Variants in DLG2 observed in about 807,000 individuals in gnomAD.
The protein encoded by DLG2 is discs large MAGUK scaffold protein 2.
In DLG2, 45 loss-of-function variants were observed where a neutral mutation model predicts 132.5. The observed-to-expected ratio is 0.34, with a 90% CI of 0.27 to 0.44. The LOEUF (loss-of-function observed/expected upper bound fraction) is 0.44. DLG2 is among the 20% of genes least tolerant of loss of function. The pLI, the probability that DLG2 is intolerant of heterozygous loss-of-function variation, is 1.00. For missense variants in DLG2, 1,045 were observed against 1,196.9 expected, an observed-to-expected ratio of 0.87 and a Z score of 1.87; for synonymous variants, 424 against 419.6, an observed-to-expected ratio of 1.01 and a Z score of -0.13.
intron 19 of DLG2, among the ~76,000 whole-genome samples, chr11:83,584,060 A>G (rs1232139480): frequency 2.6e-5 from 4 of 152,214 alleles, no homozygotes; most frequent in Admixed American, 6.5e-5. Flanking sequence ...ATTTTGTGGA[A>G]CACTTGTAAA....
intron 3 of DLG2, among the ~76,000 whole-genome samples, chr11:85,380,895 C>G (rs1202892697): frequency 6.6e-6 from 1 of 152,156 alleles, no homozygotes; most frequent in Non-Finnish European, 1.5e-5. Flanking sequence ...TCCCCTGAAG[C>G]AGCAACCACA....
intron 4 of DLG2, among the ~76,000 whole-genome samples, chr11:85,208,939 A>G (rs748508718): frequency 6.6e-6 from 1 of 152,088 alleles, no homozygotes; most frequent in Non-Finnish European, 1.5e-5. Context: ...GTAAGAAAAC[A>G]AGTTCAACCG....
chr11:84,696,294 G>T (rs1175491507), intron 6 of DLG2, among the ~76,000 whole-genome samples: 2 of 151,502 alleles, frequency 1.3e-5, no homozygotes, highest in East Asian at 3.9e-4. Flanking sequence ...TATGTATGTC[G>T]TCTAATTTAA....
chr11:84,217,295 T>C (rs142345775), intron 8 of DLG2, among the ~76,000 whole-genome samples: 337 of 152,296 alleles, frequency 2.2e-3, no homozygotes, highest in Non-Finnish European at 4.3e-3. Flanking sequence ...TTGGAGTGAC[T>C]TGGCGGGAAG....
intron 6 of DLG2, among the ~76,000 whole-genome samples, chr11:84,657,206 C>G (rs918661143): frequency 6.6e-6 from 1 of 152,010 alleles, no homozygotes; most frequent in Non-Finnish European, 1.5e-5. Context: ...AAAAATAAAC[C>G]TATTTTAATC....
intron 17 of DLG2, among the ~76,000 whole-genome samples, chr11:83,830,827 C>G (rs1485806103): frequency 1.3e-5 from 2 of 152,208 alleles, no homozygotes; most frequent in African/African-American, 2.4e-5. Context: ...TATCCTGCCA[C>G]TTAGAATGCC....
At chr11:83,975,157 G>C (rs2092009998) in intron 12 of DLG2, among the ~76,000 whole-genome samples, 1 of 151,986 alleles carries the variant, frequency 6.6e-6, no homozygotes, top group South Asian at 2.1e-4. Context: ...AATATATTGG[G>C]CTATATGTAT....
chr11:85,322,979 C>T (rs1052066886), intron 3 of DLG2, among the ~76,000 whole-genome samples: 3 of 152,086 alleles, frequency 2.0e-5, no homozygotes, highest in African/African-American at 7.2e-5. Context: ...ACACACAACC[C>T]CCATTGATTT....
At chr11:84,802,743 G>A (rs1267253306) in intron 6 of DLG2, among the ~76,000 whole-genome samples, 1 of 151,890 alleles carries the variant, frequency 6.6e-6, no homozygotes, top group Non-Finnish European at 1.5e-5. Context: ...TGTGTTAGGG[G>A]GGATGAAAGT....
intron 15 of DLG2, among the ~76,000 whole-genome samples, chr11:83,901,027 T>C (rs969922254): frequency 2.0e-5 from 3 of 152,228 alleles, no homozygotes; most frequent in Admixed American, 6.5e-5. Flanking sequence ...GAGATCATTT[T>C]GGAGCTCTAC....
chr11:83,908,737 A>C (rs2075498877), intron 15 of DLG2, among the ~76,000 whole-genome samples: 1 of 146,970 alleles, frequency 6.8e-6, no homozygotes, highest in Admixed American at 6.7e-5. Flanking sequence ...CTCAATATGC[A>C]GCATTTTTTT....
At chr11:84,430,247 C>T (rs2098980066) in intron 7 of DLG2, among the ~76,000 whole-genome samples, 1 of 151,914 alleles carries the variant, frequency 6.6e-6, no homozygotes, top group African/African-American at 2.4e-5. Flanking sequence ...ACCATCCTGG[C>T]CAACATGGTG....
chr11:84,266,613 G>A (rs1372241428), intron 7 of DLG2, among the ~76,000 whole-genome samples: 4 of 152,154 alleles, frequency 2.6e-5, no homozygotes, highest in Non-Finnish European at 4.4e-5. Flanking sequence ...TTAGAATCCA[G>A]AAAGGACAAA....
rs141877580 is a variant in DLG2 at position 85,238,205 on chromosome 11, TTTTATTTATTTATTTATTTATTTA to T, written c.186+46991_186+47014del. On this transcript the variant is annotated intron_variant, in intron 4 of 27. Coordinates refer to ENST00000376104, the MANE Select transcript of DLG2 (RefSeq NM_001142699.3). ...AACTTTTTTTTATTTTTTATTTTTA[TTTTATTTATTTATTTATTTATTTA>T]TTTATTTATTTATTTATTTATTTAT... 6.3e-4 allele frequency among the ~76,000 whole-genome samples: 79 copies of T among 125,988 alleles called. 1 individual carries two copies. Among genetic ancestry groups the T allele is most frequent in the East Asian group, 5.7e-3 (25 of 4,400 alleles). The allele number at this position is 125,988 out of a possible 152,430, so 82.7% of individuals were successfully genotyped here.
At chr11:85,297,522 T>C (rs2079311184) in intron 3 of DLG2, among the ~76,000 whole-genome samples, 1 of 152,168 alleles carries the variant, frequency 6.6e-6, no homozygotes, top group African/African-American at 2.4e-5. Flanking sequence ...CCACTAACAG[T>C]CTTTGGAAAA....
chr11:85,526,841 G>A (rs2074792716), intron 3 of DLG2, among the ~76,000 whole-genome samples: 1 of 152,052 alleles, frequency 6.6e-6, no homozygotes. Context: ...GAGCAAAAAA[G>A]GGGCCCAACA....
intron 17 of DLG2, among the ~76,000 whole-genome samples, chr11:83,823,812 C>T (rs1401591428): frequency 6.6e-6 from 1 of 152,152 alleles, no homozygotes; most frequent in African/African-American, 2.4e-5. Context: ...AATCTTACAG[C>T]CTTCGTATAC....
intron 5 of DLG2, among the ~76,000 whole-genome samples, chr11:85,154,077 G>A (rs1594888630): frequency 1.6e-5 from 2 of 122,182 alleles, no homozygotes; most frequent in East Asian, 2.8e-4. Flanking sequence ...ACAAAAATGT[G>A]TTTTCTAAGT....
intron 8 of DLG2, among the ~76,000 whole-genome samples, chr11:84,204,171 G>A (rs2096635264): frequency 6.6e-6 from 1 of 152,060 alleles, no homozygotes; most frequent in Non-Finnish European, 1.5e-5. Context: ...TTGTCAGGCT[G>A]GTCTCGAACT....
Sources: allele counts gnomAD v4.1 joint callset (sites outside exome capture counted in the v4.1 genomes callset), GRCh38; gene constraint gnomAD v4.1.1; transcripts MANE v1.5; gene names NCBI Gene and HGNC (gene_info 2026-07-23, HGNC 2026-07-21).